Variants in PAX2 observed in about 807,000 individuals in gnomAD.
PAX2 encodes the protein paired box protein Pax-2.
PAX2 carries 9 observed loss-of-function variants against 41.7 expected under a neutral mutation model. That is an observed-to-expected ratio of 0.22 (90% CI 0.13 to 0.38). The LOEUF (loss-of-function observed/expected upper bound fraction) is 0.38, where lower values mean the gene tolerates loss of function less well. Among genes scored for constraint, PAX2 ranks in the 10% least tolerant of loss-of-function variants. The pLI, the probability that PAX2 is intolerant of heterozygous loss-of-function variation, is 1.00. For missense variants in PAX2, 418 were observed against 531.6 expected (o/e 0.79, Z 2.10); for synonymous variants, 221 against 212.7 (o/e 1.04, Z -0.34).
chr10:100,750,229 T>A lies in PAX2; in HGVS notation c.212+315T>A, dbSNP rs1232190152. Among the ~76,000 whole-genome samples the A allele has an allele frequency of 6.8e-6, 1 of 146,800 alleles. No homozygotes were observed. Among genetic ancestry groups the A allele is most frequent in the Admixed American group, 6.6e-5 (1 of 15,138 alleles). ...AAGGCAGATACGGGGTGGGAGACAT[T>A]AGAGGAATGGGGGGGGAGTGAAAAT... is the stretch of plus-strand genomic sequence containing the variant. On this transcript the variant is annotated intron_variant, in intron 2 of 9. Transcript: ENST00000355243. This position sits in a 1 kb window ranked among gnomAD's most constrained non-coding sequence, Gnocchi z 4.1.
At chr10:100,815,992 T>C (rs1019768543) in intron 7 of PAX2, among the ~76,000 whole-genome samples, 8 of 152,228 alleles carry the variant, frequency 5.3e-5, no homozygotes, top group African/African-American at 1.2e-4. Flanking sequence ...TGGTGTTTTC[T>C]ACGCTGAGCT....
chr10:100,753,381 G>A (rs1372867395), intron 3 of PAX2, among the ~76,000 whole-genome samples: 1 of 152,186 alleles, frequency 6.6e-6, no homozygotes. Context: ...GAAGAGGGAA[G>A]GTTTATCTGA....
chr10:100,762,796 C>G (rs1332800215), intron 3 of PAX2, among the ~76,000 whole-genome samples: 2 of 152,190 alleles, frequency 1.3e-5, no homozygotes, highest in Non-Finnish European at 2.9e-5. Context: ...GAATCCACAG[C>G]TTGGACTGAC....
chr10:100,763,124 GTCC>G (rs748285013), intron 3 of PAX2, among the ~76,000 whole-genome samples: 2 of 152,144 alleles, frequency 1.3e-5, no homozygotes, highest in Non-Finnish European at 2.9e-5. Flanking sequence ...TGCTACCCCT[GTCC>G]TCCTTTTTCT....
chr10:100,781,183 T>C, intron 4 of PAX2, 63 bp from the exon 5 acceptor site: 2 of 1,580,270 alleles, frequency 1.3e-6, no homozygotes, highest in Non-Finnish European at 8.7e-7. Flanking sequence ...CTTGGGGCTT[T>C]GGCCTACGAT....
At chr10:100,783,959 T>C (rs147606616) in intron 5 of PAX2, among the ~76,000 whole-genome samples, 1 of 152,196 alleles carries the variant, frequency 6.6e-6, no homozygotes, top group Non-Finnish European at 1.5e-5. Context: ...AATGGAGATG[T>C]ATTTTCCCTG....
intron 5 of PAX2, among the ~76,000 whole-genome samples, chr10:100,802,061 G>T (rs12261691): frequency 2.0e-5 from 3 of 152,154 alleles, no homozygotes; most frequent in Non-Finnish European, 2.9e-5. Context: ...GCTGGGCAGG[G>T]GGCAGACGGA....
intron 1 of PAX2, among the ~76,000 whole-genome samples, chr10:100,736,005 T>C (rs1357505814): frequency 6.6e-6 from 1 of 152,194 alleles, no homozygotes; most frequent in African/African-American, 2.4e-5. Context: ...TTCTGTTGTG[T>C]GTTGAGGACT....
intron 5 of PAX2, among the ~76,000 whole-genome samples, chr10:100,788,271 C>T (rs946588471): frequency 6.6e-6 from 1 of 152,202 alleles, no homozygotes; most frequent in Admixed American, 6.5e-5. Context: ...GCGATCGCCT[C>T]CTTTTGTAGG....
intron 5 of PAX2, among the ~76,000 whole-genome samples, chr10:100,782,864 C>T (rs1846689570): frequency 6.6e-6 from 1 of 152,254 alleles, no homozygotes; most frequent in African/African-American, 2.4e-5. Flanking sequence ...CTCCTTGGCA[C>T]CCCAAGTGCT....
chr10:100,783,423 G>A (rs1034453870), intron 5 of PAX2, among the ~76,000 whole-genome samples: 1 of 152,328 alleles, frequency 6.6e-6, no homozygotes, highest in African/African-American at 2.4e-5. Context: ...GCCAGGAAGG[G>A]CTGCTCTTTG....
chr10:100,803,728 G>A (rs1224750642), intron 5 of PAX2, among the ~76,000 whole-genome samples: 1 of 151,512 alleles, frequency 6.6e-6, no homozygotes, highest in Non-Finnish European at 1.5e-5. Context: ...CTCCTCTAAC[G>A]CCTCCTTTCT....
intron 5 of PAX2, among the ~76,000 whole-genome samples, chr10:100,781,969 G>T (rs1846647388): frequency 6.6e-6 from 1 of 152,198 alleles, no homozygotes; most frequent in Non-Finnish European, 1.5e-5. Context: ...TCAAAGGGAA[G>T]GGGGAAGGAA....
chr10:100,786,474 A>G (rs1846865659), intron 5 of PAX2, among the ~76,000 whole-genome samples: 2 of 152,184 alleles, frequency 1.3e-5, no homozygotes, highest in African/African-American at 4.8e-5. Flanking sequence ...TGTTTTATAA[A>G]CCCAAATGTA....
Position 100,750,829 on chromosome 10 carries a change from C to A in PAX2, c.348C>A (p.Asp116Glu), listed in dbSNP as rs772128859. 10 of 1,614,186 alleles carry A rather than the reference C, an allele frequency of 6.2e-6. 1 individual carries two copies. The South Asian group carries it at 1.1e-4, about 18-fold the overall frequency. Reference sequence around the variant, plus strand: ...CTATGTTCGCCTGGGAGATTCGAGACCGGCTCCTGGCCGAGGGCATCTGTG... The same window carrying A: ...CTATGTTCGCCTGGGAGATTCGAGAACGGCTCCTGGCCGAGGGCATCTGTG... ...NPTMFAWEIR[D>E]RLLAEGICDN... Residue 116 changes from aspartate to glutamate, a missense_variant, in exon 3 of 10, where the codon GAC (aspartate) becomes GAA (glutamate). Transcript: ENST00000355243. This position sits in a 1 kb window ranked among gnomAD's most constrained non-coding sequence, Gnocchi z 4.1.
intron 5 of PAX2, among the ~76,000 whole-genome samples, chr10:100,786,725 G>C (rs1222072464): frequency 6.6e-6 from 1 of 152,186 alleles, no homozygotes; most frequent in Admixed American, 6.5e-5. Flanking sequence ...GCTGATAAAG[G>C]GAGGGGCTGT....
At chr10:100,784,851 C>T (rs768329515) in intron 5 of PAX2, among the ~76,000 whole-genome samples, 3 of 152,216 alleles carry the variant, frequency 2.0e-5, no homozygotes, top group Admixed American at 6.5e-5. Flanking sequence ...CTTCCCATGC[C>T]TTGGCCTTTG....
chr10:100,814,386 G>T (rs1440768681), intron 7 of PAX2, among the ~76,000 whole-genome samples: 1 of 135,914 alleles, frequency 7.4e-6, no homozygotes, highest in Non-Finnish European at 1.6e-5. Context: ...ATCAAAGGAA[G>T]TATCAGCTGT....
intron 3 of PAX2, among the ~76,000 whole-genome samples, chr10:100,774,036 AAGG>A (rs1422908412): frequency 1.3e-5 from 2 of 152,160 alleles, no homozygotes; most frequent in African/African-American, 4.8e-5. Flanking sequence ...AGGAGCAGAG[AAGG>A]AGAAGAAGAG....
Sources: allele counts gnomAD v4.1 joint callset (sites outside exome capture counted in the v4.1 genomes callset), GRCh38; gene constraint gnomAD v4.1.1; non-coding constraint Gnocchi (gnomAD v3.1); transcripts MANE v1.5; gene names NCBI Gene and HGNC (gene_info 2026-07-23, HGNC 2026-07-21).